NRXN1: variants seen among roughly 807,000 people sequenced by gnomAD.
The protein encoded by NRXN1 is neurexin 1, also known as neurexin-1.
In NRXN1, 39 loss-of-function variants were observed where a neutral mutation model predicts 150.9. That is an observed-to-expected ratio of 0.26 (90% CI 0.20 to 0.34). The LOEUF is 0.34. Among genes scored for constraint, NRXN1 ranks in the 10% least tolerant of loss-of-function variants. NRXN1 has a pLI of 1.00. For synonymous variants in NRXN1, 924 were observed against 757.0 expected (o/e 1.22, Z -3.62); for missense variants, 1,815 against 1,949.9 (o/e 0.93, Z 1.30).
At chr2:50,926,088 T>C (rs1263567197) in intron 2 of NRXN1, 133 bp from the exon 3 acceptor site, 2 of 720,060 alleles carry the variant, frequency 2.8e-6, no homozygotes, top group East Asian at 2.8e-5. Context: ...ATCACTATCA[T>C]TCAAGGGGGA....
At chr2:50,115,336 C>T (rs999974936) in intron 18 of NRXN1, among the ~76,000 whole-genome samples, 3 of 150,074 alleles carry the variant, frequency 2.0e-5, no homozygotes, top group Admixed American at 6.7e-5. Context: ...ACAGAAGAAA[C>T]AAATTTCTGG....
chr2:50,735,223 A>AT (rs146871457), intron 5 of NRXN1, among the ~76,000 whole-genome samples: 4,468 of 151,636 alleles, frequency 0.029, 233 homozygotes, highest in African/African-American at 0.1. Flanking sequence ...TACCTTTATA[A>AT]TTTTTTTTTA....
At position 50,935,475 on chromosome 2, in the gene NRXN1, T is replaced by C. The variant is rs533013255; in HGVS notation, c.773-9520A>G. Reference sequence around the variant, plus strand: ...GGCTGGGCGCAGTGGCTCAGGCCTATTATAATCTCAGCACTTCGGGAGGCC... The same window carrying C: ...GGCTGGGCGCAGTGGCTCAGGCCTACTATAATCTCAGCACTTCGGGAGGCC... On this transcript the variant is annotated intron_variant, in intron 2 of 22. Coordinates refer to ENST00000401669, the MANE Select transcript of NRXN1 (RefSeq NM_001330078.2). Among the ~76,000 whole-genome samples, 429 of 152,180 alleles carry C rather than the reference T, an allele frequency of 2.8e-3. 2 individuals are homozygous for C. The highest frequency in any genetic ancestry group is 9.5e-3 in the African/African-American group (395 of 41,542).
At chr2:50,014,959 G>C (rs1686333138) in intron 21 of NRXN1, among the ~76,000 whole-genome samples, 1 of 152,052 alleles carries the variant, frequency 6.6e-6, no homozygotes, top group African/African-American at 2.4e-5. Context: ...CTTTTGTTTT[G>C]CAATTTATCA....
At chr2:50,809,606 G>A (rs766675700) in intron 5 of NRXN1, among the ~76,000 whole-genome samples, 43 of 151,974 alleles carry the variant, frequency 2.8e-4, no homozygotes, top group Non-Finnish European at 4.6e-4. Flanking sequence ...TCTCTATGCC[G>A]TCACGCTCCA....
At chr2:50,521,580 C>A (rs957993010) in intron 12 of NRXN1, among the ~76,000 whole-genome samples, 1 of 152,172 alleles carries the variant, frequency 6.6e-6, no homozygotes, top group Non-Finnish European at 1.5e-5. Flanking sequence ...CAAAACATTT[C>A]AATCTCCAAA....
chr2:50,612,034 A>G (rs1431994112), intron 8 of NRXN1, among the ~76,000 whole-genome samples: 1 of 152,152 alleles, frequency 6.6e-6, no homozygotes, highest in African/African-American at 2.4e-5. Flanking sequence ...AAATACTGAG[A>G]ATGAGAGAAG....
At chr2:50,884,564 C>T (rs747210020) in intron 5 of NRXN1, among the ~76,000 whole-genome samples, 2 of 151,550 alleles carry the variant, frequency 1.3e-5, no homozygotes, top group East Asian at 1.9e-4. Flanking sequence ...TCATGTTTTG[C>T]GGCCCCAGTA....
chr2:50,453,578 A>G (rs147935211), intron 17 of NRXN1, among the ~76,000 whole-genome samples: 1 of 152,332 alleles, frequency 6.6e-6, no homozygotes, highest in Admixed American at 6.5e-5. Flanking sequence ...GAACCAAAAC[A>G]ATCACGCAAA....
intron 17 of NRXN1, among the ~76,000 whole-genome samples, chr2:50,265,965 GTTA>G (rs757745541): frequency 0.034 from 4,526 of 132,316 alleles, 117 homozygotes; most frequent in African/African-American, 0.071. Flanking sequence ...TTATTTCTTT[GTTA>G]TTATTATTAT....
chr2:50,325,620 A>G (rs1288889162), intron 17 of NRXN1, among the ~76,000 whole-genome samples: 1 of 152,006 alleles, frequency 6.6e-6, no homozygotes, highest in Non-Finnish European at 1.5e-5. Flanking sequence ...TCTTATTCTC[A>G]TGGCCAATTT....
chr2:50,700,728 T>C (rs1693616775), intron 5 of NRXN1, among the ~76,000 whole-genome samples: 1 of 152,138 alleles, frequency 6.6e-6, no homozygotes, highest in African/African-American at 2.4e-5. Flanking sequence ...TTGCTCATTC[T>C]CTTTAGAGAA....
intron 17 of NRXN1, among the ~76,000 whole-genome samples, chr2:50,330,680 G>A (rs1444060184): frequency 6.6e-6 from 1 of 152,172 alleles, no homozygotes; most frequent in East Asian, 1.9e-4. Context: ...AATGAATAAA[G>A]TAGCTTAAGA....
At chr2:50,804,194 T>C (rs1043468383) in intron 5 of NRXN1, among the ~76,000 whole-genome samples, 4 of 152,210 alleles carry the variant, frequency 2.6e-5, no homozygotes, top group African/African-American at 9.6e-5. Context: ...TCAAATTTTA[T>C]TAATTGGATC....
At chr2:50,149,923 T>G (rs2058598178) in intron 18 of NRXN1, among the ~76,000 whole-genome samples, 1 of 151,736 alleles carries the variant, frequency 6.6e-6, no homozygotes, top group South Asian at 2.1e-4. Context: ...ACTGCCTGTA[T>G]GTAGCCATAT....
chr2:50,081,639 T>G (rs1383342990), intron 19 of NRXN1, among the ~76,000 whole-genome samples: 4 of 152,214 alleles, frequency 2.6e-5, no homozygotes, highest in African/African-American at 9.6e-5. Context: ...ATGAAAATCA[T>G]GAGACTTGTT....
At chr2:50,793,867 C>T (rs886941696) in intron 5 of NRXN1, among the ~76,000 whole-genome samples, 14 of 151,998 alleles carry the variant, frequency 9.2e-5, no homozygotes, top group African/African-American at 2.9e-4. Context: ...TTTTTTTAAT[C>T]AGCAAAATTT....
chr2:51,002,786 G>A (rs1441016390), intron 2 of NRXN1, among the ~76,000 whole-genome samples: 1 of 151,884 alleles, frequency 6.6e-6, no homozygotes, highest in Admixed American at 6.6e-5. Flanking sequence ...CTGTGTTCTT[G>A]TCCTGGCTAT....
chr2:50,417,862 A>G (rs895576818), intron 17 of NRXN1, among the ~76,000 whole-genome samples: 2 of 152,068 alleles, frequency 1.3e-5, no homozygotes, highest in African/African-American at 4.8e-5. Flanking sequence ...AGAGAAGTAT[A>G]AAATGTAAAG....
Sources: allele counts gnomAD v4.1 joint callset (sites outside exome capture counted in the v4.1 genomes callset), GRCh38; gene constraint gnomAD v4.1.1; transcripts MANE v1.5; gene names NCBI Gene and HGNC (gene_info 2026-07-23, HGNC 2026-07-21).